Variants in CPT1C observed in about 807,000 individuals in gnomAD.
The protein encoded by CPT1C is carnitine palmitoyltransferase 1C.
In CPT1C, 61 loss-of-function variants were observed where a neutral mutation model predicts 97.3. The ratio of observed to expected loss-of-function variants is 0.63; its 90% CI spans 0.51 to 0.78. The LOEUF (loss-of-function observed/expected upper bound fraction) is 0.78. Ranked by LOEUF, CPT1C falls within the 30% of genes least tolerant of loss-of-function variation. The probability of loss-of-function intolerance (pLI) is 0.00; values close to 1 mark genes in which losing one functional copy is unlikely to be tolerated. For missense variants in CPT1C, 975 were observed against 1,065.5 expected, an observed-to-expected ratio of 0.92 and a Z score of 1.18; for synonymous variants, 469 against 447.2, an observed-to-expected ratio of 1.05 and a Z score of -0.61.
chr19:49,704,796 G>A lies in CPT1C; in HGVS notation c.771+9G>A, dbSNP rs1568528062. The A allele has an allele frequency of 1.2e-6, 2 of 1,613,622 alleles. No homozygotes were observed. Reference sequence around the variant, plus strand: ...GCAACTATTACATGATGGTGAGAAGGGGAGGGGTGAGGTTCATAGGCCCCA... The same window carrying A: ...GCAACTATTACATGATGGTGAGAAGAGGAGGGGTGAGGTTCATAGGCCCCA... On this transcript the variant is annotated intron_variant, in intron 8 of 19. Transcript: ENST00000598293.
chr19:49,693,173 C>G (rs187876330), intron 3 of CPT1C, among the ~76,000 whole-genome samples: 1 of 152,316 alleles, frequency 6.6e-6, no homozygotes, highest in South Asian at 2.1e-4. Flanking sequence ...CCACCGCGCC[C>G]GGCCCAAACT....
intron 7 of CPT1C, among the ~76,000 whole-genome samples, chr19:49,703,591 C>CCTTCCTTCCTTCCTTCCTT (rs2083328569): frequency 1.5e-5 from 1 of 68,350 alleles, no homozygotes; most frequent in Non-Finnish European, 3.0e-5. Flanking sequence ...CTCCCTCCCT[C>CCTTCCTTCCTTCCTTCCTT]CCTCCCTTCC....
At chr19:49,708,893 C>T (rs2123460483) in intron 14 of CPT1C, 54 bp downstream of exon 14, 1 of 1,151,962 alleles carries the variant, frequency 8.7e-7, no homozygotes, top group Middle Eastern at 1.9e-4. Flanking sequence ...CTAGCCTTGA[C>T]TTCAAACTCA....
chr19:49,693,963 G>A (rs2123109470), intron 3 of CPT1C, among the ~76,000 whole-genome samples: 1 of 152,206 alleles, frequency 6.6e-6, no homozygotes, highest in African/African-American at 2.4e-5. Flanking sequence ...TACTCAGGAG[G>A]CTGAGGCAGG....
At position 49,706,190 on chromosome 19, in the gene CPT1C, G is replaced by A. The variant is rs758822585; in HGVS notation, c.1161-41G>A. On this transcript the variant is annotated intron_variant, in intron 11 of 19. Transcript: ENST00000598293. This position sits in a 1 kb window ranked among gnomAD's most constrained non-coding sequence, Gnocchi z 4.8. ...GAAGGGCAGGGTGGGGCCAGGTGGC[G>A]GCTGGGCAGGATGGACTCAGGCACA... 1.7e-5 allele frequency: 26 copies of A among 1,544,982 alleles called. No homozygotes were observed. Among genetic ancestry groups the A allele is most frequent in the Admixed American group, 1.0e-4 (5 of 49,908 alleles).
rs1258936514 is a variant in CPT1C at position 49,708,855 on chromosome 19, T to C, written c.1566+16T>C. 16 of 1,512,584 alleles carry C rather than the reference T, an allele frequency of 1.1e-5. No homozygotes were observed. Among genetic ancestry groups the C allele is most frequent in the Non-Finnish European group, 1.5e-5 (16 of 1,089,960 alleles). The allele number at this position is 1,512,584 out of a possible 1,614,324, so 93.7% of individuals were successfully genotyped here. A position where few individuals can be genotyped will look rare whatever the true frequency, so the allele number is the denominator to read the frequency against. On this transcript the variant is annotated intron_variant, in intron 14 of 19. Transcript: ENST00000598293. ...TCCAGACCAGGTGAGGCTGGGTTTC[T>C]GGGCCTCTCCTCCAAGTCCCAAGAT...
chr19:49,703,497 G>A (rs1218360757), intron 7 of CPT1C, among the ~76,000 whole-genome samples: 2 of 143,526 alleles, frequency 1.4e-5, no homozygotes, highest in South Asian at 2.2e-4. Context: ...CACCATGCCC[G>A]GCCTCTTTCT....
chr19:49,705,025 C>T lies in CPT1C; in HGVS notation c.790C>T (p.Pro264Ser), dbSNP rs903998196. 3 of 1,603,532 alleles carry T rather than the reference C, an allele frequency of 1.9e-6. No individual in the cohort carries two copies. The highest frequency in any genetic ancestry group is 1.3e-5 in the African/African-American group (1 of 74,698). The change falls in exon 9 of 20, where the codon CCC becomes TCC. Residue 264 changes from proline (P) to serine (S), a missense_variant. Physicochemically the swap from Pro to Ser is moderately conservative, Grantham distance 74 (BLOSUM62 -1). Around this residue, in one of 3 missense-constraint regions of CPT1C, gnomAD observed 596 missense variants for 603.1 expected, o/e 0.99. Transcript: ENST00000598293. ...YYMMDFLYVT[P>S]TPLQAARAGN... is the part of the protein sequence containing the mutation. ...TCCCCAGGACTTCCTGTATGTCACA[C>T]CCACGCCTCTGCAGGCAGCTCGCGC...
At chr19:49,696,283 G>C (rs59601394) in intron 3 of CPT1C, among the ~76,000 whole-genome samples, 16,577 of 152,098 alleles carry the variant, frequency 0.11, 1,208 homozygotes, top group African/African-American at 0.2. Context: ...CTGGAATGTA[G>C]TAAGTGCTCA....
At chr19:49,692,506 CT>C in intron 3 of CPT1C, 113 bp downstream of exon 3, 1 of 1,351,580 alleles carries the variant, frequency 7.4e-7, no homozygotes, top group Non-Finnish European at 1.0e-6. Context: ...ACTATCACCC[CT>C]TTTTCTTAGA....
At chr19:49,703,413 G>C (rs960575280) in intron 7 of CPT1C, among the ~76,000 whole-genome samples, 12 of 150,526 alleles carry the variant, frequency 8.0e-5, no homozygotes, top group African/African-American at 2.9e-4. Flanking sequence ...TGTTAGCCAG[G>C]ATGGTCTCGA....
Position 49,708,829 on chromosome 19 carries a change from T to G in CPT1C, c.1556T>G (p.Leu519Arg), listed in dbSNP as rs779928111. ...LPQPQRLQWD[L>R]PDQIHSSISL... ...CAGCCCCAGCGGCTGCAATGGGACC[T>G]TCCAGACCAGGTGAGGCTGGGTTTC... The change falls in exon 14 of 20, where the codon CTT (leucine) becomes CGT (arginine). Residue 519 changes from leucine to arginine, a missense_variant. Around this residue, in one of 3 missense-constraint regions of CPT1C, gnomAD observed 344 missense variants for 395.7 expected, o/e 0.87. Transcript: ENST00000598293. The G allele has an allele frequency of 1.2e-6, 2 of 1,610,988 alleles. No individual in the cohort carries two copies. Among genetic ancestry groups the G allele is most frequent in the East Asian group, 4.5e-5 (2 of 44,842 alleles).
chr19:49,694,096 AAATAAAT>A (rs2082518030), intron 3 of CPT1C, among the ~76,000 whole-genome samples: 2 of 92,290 alleles, frequency 2.2e-5, no homozygotes, highest in African/African-American at 2.7e-4. Flanking sequence ...AAAAATAAAT[AAATAAAT>A]AAATAAATAA....
chr19:49,703,712 A>C (rs1043574780), intron 7 of CPT1C, among the ~76,000 whole-genome samples: 1 of 151,386 alleles, frequency 6.6e-6, no homozygotes, highest in African/African-American at 2.4e-5. Context: ...AGCTCACTGC[A>C]GCCTTGACCT....
At chr19:49,692,148 G>A (rs2082388190) in intron 2 of CPT1C, 91 bp from the exon 3 acceptor site, 28 of 1,394,496 alleles carry the variant, frequency 2.0e-5, no homozygotes, top group Non-Finnish European at 2.5e-5. Flanking sequence ...GGACTCCTGG[G>A]TATGAAGGAG....
chr19:49,704,042 G>A (rs964216436), intron 7 of CPT1C, among the ~76,000 whole-genome samples: 2 of 152,166 alleles, frequency 1.3e-5, no homozygotes, highest in African/African-American at 4.8e-5. Flanking sequence ...CCGTGACACA[G>A]TGCTTTCTTT....
chr19:49,702,812 G>A (rs1382489920), intron 7 of CPT1C, among the ~76,000 whole-genome samples: 3 of 151,710 alleles, frequency 2.0e-5, no homozygotes, highest in African/African-American at 7.3e-5. Context: ...TGGAGGGCGG[G>A]AGGCTGCAGA....
At position 49,701,479 on chromosome 19, in the gene CPT1C, C is replaced by A; in HGVS notation, c.556-18C>A. The A allele has an allele frequency of 4.4e-6, 7 of 1,597,768 alleles. No individual in the cohort carries two copies. The highest frequency in any genetic ancestry group is 6.0e-6 in the Non-Finnish European group (7 of 1,168,106). On this transcript the variant is annotated intron_variant, in intron 6 of 19. Transcript: ENST00000598293. ...CGGGGCGGGCCGGGGGCGTGACCTG[C>A]CCTCTTCTCCCCTTTAGTACCTGGA...
chr19:49,711,850 G>A lies in CPT1C; in HGVS notation c.1908G>A (p.Lys636=). Residue 636 remains lysine, a synonymous_variant, in exon 17 of 20, where the codon AAG becomes AAA. Coordinates refer to ENST00000598293, the MANE Select transcript of CPT1C (RefSeq NM_001199753.2). ...CCCTGTTCCGCGTGGCAGTGGACAA[G>A]CACCAGGCTCTGCTGAAGGCAGCCA... ...CLALFRVAVD[K]HQALLKAAMS... The A allele has an allele frequency of 6.2e-7, 1 of 1,613,892 alleles. No homozygotes were observed. Among genetic ancestry groups the A allele is most frequent in the South Asian group, 1.1e-5 (1 of 91,086 alleles).
Sources: allele counts gnomAD v4.1 joint callset (sites outside exome capture counted in the v4.1 genomes callset), GRCh38; gene constraint gnomAD v4.1.1; regional missense constraint gnomAD v4.1.1; non-coding constraint Gnocchi (gnomAD v3.1); transcripts MANE v1.5; gene names NCBI Gene and HGNC (gene_info 2026-07-23, HGNC 2026-07-21).